Variants in PIEZO2 observed in about 807,000 individuals in gnomAD.
The protein encoded by PIEZO2 is piezo type mechanosensitive ion channel component 2.
PIEZO2 carries 172 observed loss-of-function variants against 337.3 expected under a neutral mutation model. That is an observed-to-expected ratio of 0.51 (90% CI 0.45 to 0.58). PIEZO2 has a LOEUF of 0.58. PIEZO2 is among the 20% of genes least tolerant of loss of function. The probability of loss-of-function intolerance (pLI) is 0.00; values close to 1 mark genes in which losing one functional copy is unlikely to be tolerated. For missense variants in PIEZO2, 3,028 were observed against 3,391.3 expected (o/e 0.89, Z 2.66); for synonymous variants, 1,251 against 1,228.5 (o/e 1.02, Z -0.38).
At chr18:10,717,897 C>T (rs892449977) in intron 37 of PIEZO2, among the ~76,000 whole-genome samples, 12 of 152,164 alleles carry the variant, frequency 7.9e-5, no homozygotes, top group African/African-American at 1.9e-4. Flanking sequence ...TTCATTCTGA[C>T]GGCTTCCATG....
Position 10,775,695 on chromosome 18 carries a change from G to A in PIEZO2, c.2535-1657C>T, listed in dbSNP as rs188415239. Among the ~76,000 whole-genome samples the A allele has an allele frequency of 7.9e-5, 12 of 152,280 alleles. No individual in the cohort carries two copies. The highest frequency in any genetic ancestry group is 4.1e-4 in the South Asian group (2 of 4,828). ...AGGCAGGGTGCATTGAGGAGAGATC[G>A]TTCAATGAAAGAATCAGAGGAAGAC... On this transcript the variant is annotated intron_variant, in intron 18 of 55. Coordinates refer to ENST00000674853, the MANE Select transcript of PIEZO2 (RefSeq NM_001378183.1). This position sits in a 1 kb window ranked among gnomAD's most constrained non-coding sequence, Gnocchi z 4.3.
Position 10,751,953 on chromosome 18 carries a change from T to C in PIEZO2, c.4167+683A>G, listed in dbSNP as rs73389062. Among the ~76,000 whole-genome samples, 1,271 of 152,190 alleles carry C rather than the reference T, an allele frequency of 8.4e-3. 24 individuals carry two copies. Among genetic ancestry groups the C allele is most frequent in the African/African-American group, 0.029 (1,185 of 41,504 alleles). ...GAAGAGTTGTGTTCTGAAACATAGC[T>C]ACTTAAGAGCAGAGCAGCCAAGCTT... On this transcript the variant is annotated intron_variant, in intron 28 of 55. Transcript: ENST00000674853.
In PIEZO2 at chr18:10,837,266, CTA is replaced by C. The variant is rs1354135850; in HGVS notation, c.917+18085_917+18086del. On this transcript the variant is annotated intron_variant, in intron 7 of 55. Transcript: ENST00000674853. The surrounding 1 kb of genome is among the most constrained non-coding windows in gnomAD (Gnocchi z 4.4). ...ACTTTGTTTTTATACTTTCCTAAGT[CTA>C]GAATGAGAAGAGCCTTTAAGTTCTC... is the stretch of plus-strand genomic sequence containing the variant. 6.6e-6 allele frequency among the ~76,000 whole-genome samples: 1 copy of C among 152,160 alleles called. No homozygotes were observed. Among genetic ancestry groups the C allele is most frequent in the African/African-American group, 2.4e-5 (1 of 41,440 alleles).
chr18:10,709,735 G>A (rs1035504914), intron 39 of PIEZO2: 11 of 152,308 alleles, frequency 7.2e-5, no homozygotes, highest in African/African-American at 1.7e-4. Context: ...TGGAGCACAA[G>A]CCATAACTGC....
chr18:10,739,686 A>G (rs562599300), intron 33 of PIEZO2: 14 of 152,364 alleles, frequency 9.2e-5, no homozygotes, highest in African/African-American at 3.4e-4. Context: ...CAGTAAATAG[A>G]AGAGTCACAC....
rs189165145 is a variant in PIEZO2 at position 10,843,053 on chromosome 18, A to G, written c.917+12300T>C. Among the ~76,000 whole-genome samples the G allele has an allele frequency of 1.2e-3, 181 of 152,344 alleles. 2 individuals are homozygous for G. The highest frequency in any genetic ancestry group is 7.4e-3 in the Admixed American group (113 of 15,304). ...ATAAGCAACATTCTGAACTTCAACA[A>G]TCCAAGTAGTTATGAGGCAATATAT... On this transcript the variant is annotated intron_variant, in intron 7 of 55. Coordinates refer to ENST00000674853, the MANE Select transcript of PIEZO2 (RefSeq NM_001378183.1).
intron 2 of PIEZO2, among the ~76,000 whole-genome samples, chr18:11,010,886 G>T (rs1363168112): frequency 6.6e-6 from 1 of 152,198 alleles, no homozygotes; most frequent in Non-Finnish European, 1.5e-5. Flanking sequence ...AATTATATTA[G>T]TGTATGCTTA....
At chr18:10,808,205 T>C (rs1020006531) in intron 7 of PIEZO2, among the ~76,000 whole-genome samples, 1 of 152,142 alleles carries the variant, frequency 6.6e-6, no homozygotes, top group Non-Finnish European at 1.5e-5. Flanking sequence ...CCTCCTGCCT[T>C]GGCCTCCCAA....
rs1318612552 is a variant in PIEZO2 at position 10,724,792 on chromosome 18, C to A, written c.5030-6533G>T. On this transcript the variant is annotated intron_variant, in intron 36 of 55. Transcript: ENST00000674853. The surrounding 1 kb of genome is among the most constrained non-coding windows in gnomAD (Gnocchi z 5.8). Reference sequence around the variant, plus strand: ...TCTGGCAGTCCCCCCAGCACTGCAGCCCCAGCCTGAGCAGCAGTCGTTCTC... The same window carrying A: ...TCTGGCAGTCCCCCCAGCACTGCAGACCCAGCCTGAGCAGCAGTCGTTCTC... The A allele has an allele frequency of 6.3e-6, 10 of 1,584,994 alleles. No homozygotes were observed. The African/African-American group carries it at 1.2e-4, about 19-fold the overall frequency.
At chr18:10,758,942 C>T (rs2038004305) in intron 26 of PIEZO2, among the ~76,000 whole-genome samples, 1 of 152,176 alleles carries the variant, frequency 6.6e-6, no homozygotes, top group African/African-American at 2.4e-5. Context: ...CTTGTTTAGG[C>T]AGGGCAGTCA....
chr18:11,031,298 C>T lies in PIEZO2; in HGVS notation c.160+34829G>A, dbSNP rs781330463. ...ACAGGCGTGAGCCACTGCGCCTGGC[C>T]TGGAATTTTTTTTTAATAAGCCCAT... On this transcript the variant is annotated intron_variant, in intron 2 of 55. Coordinates refer to ENST00000674853, the MANE Select transcript of PIEZO2 (RefSeq NM_001378183.1). The surrounding 1 kb of genome is among the most constrained non-coding windows in gnomAD (Gnocchi z 4.7). Among the ~76,000 whole-genome samples the T allele has an allele frequency of 7.0e-4, 106 of 152,034 alleles. 1 individual carries two copies. The highest frequency in any genetic ancestry group is 2.2e-3 in the Admixed American group (34 of 15,268).
chr18:11,128,512 C>G lies in PIEZO2; in HGVS notation c.64+20013G>C, dbSNP rs1028978850. Among the ~76,000 whole-genome samples the G allele has an allele frequency of 2.0e-5, 3 of 152,290 alleles. No individual in the cohort carries two copies. The East Asian group carries it at 5.8e-4, about 29-fold the overall frequency. ...CACTGAGTTTGTAAACTCTGATGAA[C>G]CTTTTTTGCCAGAAGGAACAGCTTC... On this transcript the variant is annotated intron_variant, in intron 1 of 55. Coordinates refer to ENST00000674853, the MANE Select transcript of PIEZO2 (RefSeq NM_001378183.1). The surrounding 1 kb of genome is among the most constrained non-coding windows in gnomAD (Gnocchi z 4.1).
At chr18:11,000,518 A>G (rs571736257) in intron 2 of PIEZO2, among the ~76,000 whole-genome samples, 37 of 152,298 alleles carry the variant, frequency 2.4e-4, no homozygotes, top group African/African-American at 7.9e-4. Flanking sequence ...GGGACAAGGG[A>G]AGAGGACAGG....
At chr18:10,687,033 C>T (rs142147321) in intron 49 of PIEZO2, among the ~76,000 whole-genome samples, 113 of 152,296 alleles carry the variant, frequency 7.4e-4, no homozygotes, top group African/African-American at 1.9e-3. Flanking sequence ...GACCTACGCC[C>T]TACCTTCCTG....
At chr18:10,999,121 C>A (rs528986305) in intron 2 of PIEZO2, among the ~76,000 whole-genome samples, 1 of 150,122 alleles carries the variant, frequency 6.7e-6, no homozygotes, top group East Asian at 1.9e-4. Context: ...AAACAATCCA[C>A]GCCAAAAAAT....
At chr18:11,079,604 C>T (rs1369374866) in intron 1 of PIEZO2, among the ~76,000 whole-genome samples, 1 of 152,154 alleles carries the variant, frequency 6.6e-6, no homozygotes, top group Non-Finnish European at 1.5e-5. Flanking sequence ...AGTCTCTACT[C>T]CATTTCTGCA....
At chr18:11,084,252 T>C (rs1443211485) in intron 1 of PIEZO2, among the ~76,000 whole-genome samples, 3 of 151,528 alleles carry the variant, frequency 2.0e-5, no homozygotes, top group Admixed American at 6.6e-5. Flanking sequence ...TTATTTGATA[T>C]CTGGTATAAT....
In PIEZO2 at chr18:11,127,469, C is replaced by T. The variant is rs187444375; in HGVS notation, c.64+21056G>A. Among the ~76,000 whole-genome samples, 214 of 152,014 alleles carry T rather than the reference C, an allele frequency of 1.4e-3. 4 individuals carry two copies. Among genetic ancestry groups the T allele is most frequent in the East Asian group, 9.5e-3 (49 of 5,144 alleles). ...AATCTGGTGGGCACAATCTAATCAGCGAATATAAAGAAGGTAGGAAAACGT... is the reference window on the plus strand; with the variant it reads ...AATCTGGTGGGCACAATCTAATCAGTGAATATAAAGAAGGTAGGAAAACGT... On this transcript the variant is annotated intron_variant, in intron 1 of 55. Coordinates refer to ENST00000674853, the MANE Select transcript of PIEZO2 (RefSeq NM_001378183.1). This position sits in a 1 kb window ranked among gnomAD's most constrained non-coding sequence, Gnocchi z 4.5.
At position 11,112,649 on chromosome 18, in the gene PIEZO2, A is replaced by C. The variant is rs1168223247; in HGVS notation, c.64+35876T>G. On this transcript the variant is annotated intron_variant, in intron 1 of 55. Transcript: ENST00000674853. This position sits in a 1 kb window ranked among gnomAD's most constrained non-coding sequence, Gnocchi z 4.3. Reference sequence around the variant, plus strand: ...GACTTACACACTTAGTCGTAAGTCAACAATTGCCAGATTAGGCACAGAAAC... The same window carrying C: ...GACTTACACACTTAGTCGTAAGTCACCAATTGCCAGATTAGGCACAGAAAC... 6.6e-6 allele frequency among the ~76,000 whole-genome samples: 1 copy of C among 152,230 alleles called. No individual in the cohort carries two copies.
Sources: gnomAD v4.1 joint callset for allele counts (sites outside exome capture counted in the v4.1 genomes callset) on GRCh38, gnomAD v4.1.1 for gene constraint, Gnocchi (gnomAD v3.1) non-coding constraint, MANE v1.5 for transcripts, NCBI Gene and HGNC (gene_info 2026-07-23, HGNC 2026-07-21) for gene names.